The following BEND4 variants were observed in gnomAD, a reference collection of about 807,000 sequenced individuals.
The protein encoded by BEND4 is BEN domain-containing protein 4.
Under a neutral mutation model 54.7 loss-of-function variants are expected in BEND4, and 27 were observed. That is an observed-to-expected ratio of 0.49 (90% CI 0.36 to 0.68). BEND4 has a LOEUF of 0.68. Among genes scored for constraint, BEND4 ranks in the 30% least tolerant of loss-of-function variants. BEND4 has a pLI of 0.00. For synonymous variants in BEND4, 327 were observed against 299.5 expected (o/e 1.09, Z -0.95); for missense variants, 702 against 697.2 (o/e 1.01, Z -0.08).
In BEND4 at chr4:42,111,966, G is replaced by A. The variant is rs1281273879; in HGVS notation, c.*5552C>T. 1 of 152,186 alleles carries A rather than the reference G, an allele frequency of 6.6e-6. No individual in the cohort carries two copies. Among genetic ancestry groups the A allele is most frequent in the Non-Finnish European group, 1.5e-5 (1 of 68,036 alleles). 9.4% of individuals were successfully genotyped at this position (152,186 alleles called of 1,614,324 possible). A position where few individuals can be genotyped will look rare whatever the true frequency, so the allele number is the denominator to read the frequency against. On this transcript the variant is annotated 3_prime_UTR_variant, in exon 6 of 6. Transcript: ENST00000502486. ...CATCATAGGATCTTACGTAGGTCAAGCCTTATACAGAAACCTGGGCAGATC... is the reference window on the plus strand; with the variant it reads ...CATCATAGGATCTTACGTAGGTCAAACCTTATACAGAAACCTGGGCAGATC...
intron 3 of BEND4, 21 bp downstream of exon 3, chr4:42,143,407 G>A: frequency 6.5e-7 from 1 of 1,538,658 alleles, no homozygotes; most frequent in Non-Finnish European, 8.8e-7. Flanking sequence ...CAGTTGTCTT[G>A]CAAGGAATAT....
At chr4:42,120,764 C>T (rs1280592142) in intron 4 of BEND4, among the ~76,000 whole-genome samples, 1 of 152,064 alleles carries the variant, frequency 6.6e-6, no homozygotes, top group African/African-American at 2.4e-5. Flanking sequence ...CACCCAACAC[C>T]TGGTAGTCAC....
chr4:42,121,629 A>G (rs1235014713), intron 4 of BEND4, among the ~76,000 whole-genome samples: 1 of 152,214 alleles, frequency 6.6e-6, no homozygotes, highest in Non-Finnish European at 1.5e-5. Flanking sequence ...GGCTGGGTAC[A>G]GTGGTGGACC....
intron 3 of BEND4, among the ~76,000 whole-genome samples, chr4:42,138,404 ATAG>A (rs563891564): frequency 1.1e-4 from 17 of 152,314 alleles, no homozygotes; most frequent in African/African-American, 4.1e-4. Context: ...AGAGAACAAA[ATAG>A]TAGCTACAAG....
At chr4:42,119,935 GACGTTCTCA>G (rs1719993697) in intron 5 of BEND4, 110 bp downstream of exon 5, 1 of 1,284,690 alleles carries the variant, frequency 7.8e-7, no homozygotes, top group African/African-American at 1.5e-5. Flanking sequence ...ATGAAGCCTA[GACGTTCTCA>G]GCAGAAAGAA....
At chr4:42,145,277 G>T (rs1302359447) in intron 2 of BEND4, among the ~76,000 whole-genome samples, 1 of 152,128 alleles carries the variant, frequency 6.6e-6, no homozygotes, top group African/African-American at 2.4e-5. Context: ...CACACTACAG[G>T]AGAACTCCAT....
chr4:42,118,023 T>C (rs1372024585), intron 5 of BEND4, among the ~76,000 whole-genome samples: 1 of 152,086 alleles, frequency 6.6e-6, no homozygotes, highest in Admixed American at 6.5e-5. Context: ...TTGTAAGGCA[T>C]GGGATGCACC....
chr4:42,152,231 G>C lies in BEND4; in HGVS notation c.-88C>G, dbSNP rs1577775170. 1 of 1,192,652 alleles carries C rather than the reference G, an allele frequency of 8.4e-7. No homozygotes were observed. The highest frequency in any genetic ancestry group is 1.1e-6 in the Non-Finnish European group (1 of 951,430). 73.9% of individuals were successfully genotyped at this position (1,192,652 alleles called of 1,614,324 possible). A position where few individuals can be genotyped will look rare whatever the true frequency, so the allele number is the denominator to read the frequency against. ...GGTGCCTCCGCCGCCTGCCCGCCGG[G>C]TCTGCCCTGGTGCGCGCGTGTGGGA... On this transcript the variant is annotated 5_prime_UTR_variant, in exon 2 of 6. Coordinates refer to ENST00000502486, the MANE Select transcript of BEND4 (RefSeq NM_207406.4).
rs1721337774 is a variant in BEND4, at chr4:42,152,347, C to T, written c.-204G>A. 2 of 349,586 alleles carry T rather than the reference C, an allele frequency of 5.7e-6. No individual in the cohort carries two copies. The highest frequency in any genetic ancestry group is 2.1e-5 in the African/African-American group (1 of 46,716). The allele number at this position is 349,586 out of a possible 1,614,324, so 21.7% of individuals were successfully genotyped here. On this transcript the variant is annotated 5_prime_UTR_variant, in exon 2 of 6. Coordinates refer to ENST00000502486, the MANE Select transcript of BEND4 (RefSeq NM_207406.4). ...CCCGCGCGGGGGGCTGCCGCCCGAG[C>T]TCCTGATTGACAGGCTGCCTCGCCA...
chr4:42,117,600 C>G lies in BEND4; in HGVS notation c.1523G>C (p.Gly508Ala). The G allele has an allele frequency of 6.2e-7, 1 of 1,613,232 alleles. No homozygotes were observed. Among genetic ancestry groups the G allele is most frequent in the South Asian group, 1.1e-5 (1 of 90,786 alleles). ...RAVGTFLHNG[G>A]SFYEGIDHQA... ...GTGATCGATCCCTTCATAAAATGAGCCACCGTTGTGCAGGAAAGTCCCCAC... is the reference window on the plus strand; with the variant it reads ...GTGATCGATCCCTTCATAAAATGAGGCACCGTTGTGCAGGAAAGTCCCCAC... Residue 508 changes from glycine to alanine, a missense_variant, in exon 6 of 6, where the codon GGC (glycine) becomes GCC (alanine). Coordinates refer to ENST00000502486, the MANE Select transcript of BEND4 (RefSeq NM_207406.4).
At chr4:42,138,308 T>C (rs1221261740) in intron 3 of BEND4, among the ~76,000 whole-genome samples, 1 of 152,182 alleles carries the variant, frequency 6.6e-6, no homozygotes. Context: ...GGCCATTATG[T>C]TAAGCCAGAC....
rs949624183 is a variant in BEND4 at position 42,116,552 on chromosome 4, T to C, written c.*966A>G. 9 of 152,228 alleles carry C rather than the reference T, an allele frequency of 5.9e-5. No individual in the cohort carries two copies. Among genetic ancestry groups the C allele is most frequent in the African/African-American group, 1.9e-4 (8 of 41,466 alleles). The allele number at this position is 152,228 out of a possible 1,614,324, so 9.4% of individuals were successfully genotyped here. ...AGCTCAGCAGAGAAAGACCCTCAAA[T>C]TTCAGAGCAATTACTGACAAGCCCA... On this transcript the variant is annotated 3_prime_UTR_variant, in exon 6 of 6. Coordinates refer to ENST00000502486, the MANE Select transcript of BEND4 (RefSeq NM_207406.4).
intron 3 of BEND4, among the ~76,000 whole-genome samples, chr4:42,137,453 G>A (rs1444003655): frequency 6.6e-6 from 1 of 152,126 alleles, no homozygotes; most frequent in Non-Finnish European, 1.5e-5. Context: ...CTGGACACTG[G>A]CCTTGGAAAT....
chr4:42,119,983 A>T (rs1719995125), intron 5 of BEND4, 71 bp downstream of exon 5: 2 of 1,585,656 alleles, frequency 1.3e-6, no homozygotes, highest in Non-Finnish European at 1.7e-6. Flanking sequence ...GAACACTTGT[A>T]CGGGGAGAGC....
intron 2 of BEND4, among the ~76,000 whole-genome samples, chr4:42,145,786 G>A (rs1028822490): frequency 9.9e-5 from 15 of 151,846 alleles, no homozygotes; most frequent in African/African-American, 2.4e-4. Context: ...CCTGAATCCC[G>A]CTGAAAAACT....
intron 3 of BEND4, among the ~76,000 whole-genome samples, chr4:42,133,683 G>A (rs771229314): frequency 1.7e-4 from 26 of 152,006 alleles, no homozygotes; most frequent in East Asian, 1.9e-4. Flanking sequence ...GTGAAACCCC[G>A]TCTCTACTAA....
At chr4:42,121,405 G>A (rs903546901) in intron 4 of BEND4, among the ~76,000 whole-genome samples, 2 of 152,200 alleles carry the variant, frequency 1.3e-5, no homozygotes, top group Non-Finnish European at 2.9e-5. Flanking sequence ...GCGTGATGTG[G>A]TTTCCTTTCC....
At chr4:42,133,319 T>C (rs918325936) in intron 3 of BEND4, among the ~76,000 whole-genome samples, 2 of 152,190 alleles carry the variant, frequency 1.3e-5, no homozygotes, top group African/African-American at 4.8e-5. Flanking sequence ...TAGATGGATG[T>C]CCTGCTCAAG....
chr4:42,128,638 GA>G (rs1414537444), intron 3 of BEND4, among the ~76,000 whole-genome samples: 1 of 150,294 alleles, frequency 6.7e-6, no homozygotes, highest in Non-Finnish European at 1.5e-5. Context: ...AAACAGAAAA[GA>G]AAAAAAAGAA....
Sources: gnomAD v4.1 joint callset for allele counts (sites outside exome capture counted in the v4.1 genomes callset) on GRCh38, gnomAD v4.1.1 for gene constraint, MANE v1.5 for transcripts, NCBI Gene and HGNC (gene_info 2026-07-23, HGNC 2026-07-21) for gene names.